The following NBEAL2 variants were observed in gnomAD, a reference collection of about 807,000 sequenced individuals.
NBEAL2 encodes neurobeachin-like protein 2.
NBEAL2 carries 160 observed loss-of-function variants against 299.8 expected under a neutral mutation model. The observed-to-expected ratio is 0.53, with a 90% CI of 0.47 to 0.61. The LOEUF (loss-of-function observed/expected upper bound fraction) is 0.61, where lower values mean the gene tolerates loss of function less well. NBEAL2 is among the 20% of genes least tolerant of loss of function. NBEAL2 has a pLI of 0.00. For synonymous variants in NBEAL2, 1,493 were observed against 1,542.3 expected, an observed-to-expected ratio of 0.97 and a Z score of 0.75; for missense variants, 3,112 against 3,649.0, an observed-to-expected ratio of 0.85 and a Z score of 3.79.
rs2036041102 is a variant in NBEAL2 at position 46,991,002 on chromosome 3, C to G, written c.557-217C>G. ...CTGGTCTTTGTCACCCTTAAGTCCCCCAAAGAAGGGTTGTCCCTTTCAGGC... is the reference window on the plus strand; with the variant it reads ...CTGGTCTTTGTCACCCTTAAGTCCCGCAAAGAAGGGTTGTCCCTTTCAGGC... On this transcript the variant is annotated intron_variant, in intron 6 of 53. Transcript: ENST00000450053. The surrounding 1 kb of genome is among the most constrained non-coding windows in gnomAD (Gnocchi z 6.2). Among the ~76,000 whole-genome samples the G allele has an allele frequency of 6.6e-6, 1 of 152,080 alleles. No homozygotes were observed. The highest frequency in any genetic ancestry group is 6.5e-5 in the Admixed American group (1 of 15,268).
At chr3:46,993,788 G>A in intron 10 of NBEAL2, 149 bp from the exon 11 acceptor site, 1 of 699,584 alleles carries the variant, frequency 1.4e-6, no homozygotes, top group Non-Finnish European at 2.5e-6. Flanking sequence ...GGGGCAAGGA[G>A]TAGAAGGCCT....
intron 1 of NBEAL2, among the ~76,000 whole-genome samples, chr3:46,984,027 G>A (rs901124121): frequency 2.6e-5 from 4 of 151,814 alleles, no homozygotes; most frequent in Non-Finnish European, 5.9e-5. Flanking sequence ...GTGTCCAGGC[G>A]CGGTGTTTCA....
chr3:46,999,509 C>T (rs2036791093), intron 25 of NBEAL2, 35 bp downstream of exon 25: 1 of 1,581,648 alleles, frequency 6.3e-7, no homozygotes, highest in African/African-American at 1.4e-5. Context: ...GAGGGGGTGA[C>T]ATGTCAGAAA....
intron 12 of NBEAL2, 63 bp from the exon 13 acceptor site, chr3:46,994,969 G>T: frequency 6.8e-7 from 1 of 1,476,856 alleles, no homozygotes; most frequent in East Asian, 2.5e-5. Flanking sequence ...AATGGAGCCA[G>T]AAAGTCCCAC....
chr3:47,006,314 A>T lies in NBEAL2; in HGVS notation c.7018-19A>T. 1 of 1,590,266 alleles carries T rather than the reference A, an allele frequency of 6.3e-7. No individual in the cohort carries two copies. Among genetic ancestry groups the T allele is most frequent in the Non-Finnish European group, 8.5e-7 (1 of 1,170,412 alleles). Reference sequence around the variant, plus strand: ...CAGGGATGCCCATGCCATGGTGCTGACCAGCCACTTACCCACAGGAGCCAC... The same window carrying T: ...CAGGGATGCCCATGCCATGGTGCTGTCCAGCCACTTACCCACAGGAGCCAC... On this transcript the variant is annotated intron_variant, in intron 44 of 53. Coordinates refer to ENST00000450053, the MANE Select transcript of NBEAL2 (RefSeq NM_015175.3).
chr3:46,981,617 G>A (rs1310375693), intron 1 of NBEAL2, among the ~76,000 whole-genome samples: 1 of 152,178 alleles, frequency 6.6e-6, no homozygotes, highest in African/African-American at 2.4e-5. Flanking sequence ...TTGTGAAGGA[G>A]CAGAGGGTTT....
chr3:47,007,251 G>A lies in NBEAL2; in HGVS notation c.7235G>A (p.Ser2412Asn). The part of the protein sequence containing the change: ...QGSPDLLVTV[S>N]ASGLLGTHSW... ...CCCTCCTGCCTGCAGGTGACTGTGA[G>A]TGCCAGTGGGCTGCTGGGCACCCAC... Residue 2412 changes from serine (S) to asparagine (N), a missense_variant, in exon 47 of 54, where the codon AGT becomes AAT. By Grantham distance (46) the Ser-to-Asn change is conservative (BLOSUM62 1). Around this residue, in one of 3 missense-constraint regions of NBEAL2, gnomAD observed 521 missense variants for 729.6 expected, o/e 0.71. Coordinates refer to ENST00000450053, the MANE Select transcript of NBEAL2 (RefSeq NM_015175.3). 6.2e-7 allele frequency: 1 copy of A among 1,612,284 alleles called. No individual in the cohort carries two copies. Among genetic ancestry groups the A allele is most frequent in the Non-Finnish European group, 8.5e-7 (1 of 1,179,202 alleles).
intron 20 of NBEAL2, 116 bp downstream of exon 20, chr3:46,997,810 G>T (rs1038982160): frequency 7.3e-7 from 1 of 1,369,672 alleles, no homozygotes; most frequent in Admixed American, 2.9e-5. Context: ...GTTGCCACTT[G>T]AGTGGGGCCT....
Position 46,979,715 on chromosome 3 carries a change from C to A in NBEAL2, c.-147C>A, listed in dbSNP as rs1336980343. On this transcript the variant is annotated 5_prime_UTR_variant, in exon 1 of 54. Coordinates refer to ENST00000450053, the MANE Select transcript of NBEAL2 (RefSeq NM_015175.3). ...TTGGGTGGCTCTGCGCCGCGGAGGC[C>A]ACAGCCGCAGACTTCCCCAGTAGTA... 6.5e-6 allele frequency: 2 copies of A among 308,644 alleles called. No homozygotes were observed. The highest frequency in any genetic ancestry group is 5.1e-5 in the Admixed American group (1 of 19,726). 19.1% of individuals were successfully genotyped at this position (308,644 alleles called of 1,614,324 possible).
Position 47,000,039 on chromosome 3 carries a change from A to G in NBEAL2, c.3940A>G (p.Lys1314Glu). 1 of 1,605,120 alleles carries G rather than the reference A, an allele frequency of 6.2e-7. No homozygotes were observed. The highest frequency in any genetic ancestry group is 8.5e-7 in the Non-Finnish European group (1 of 1,176,952). The change falls in exon 27 of 54, where the codon AAG becomes GAG. Residue 1314 changes from lysine to glutamate, a missense_variant. Transcript: ENST00000450053. This position sits in a 1 kb window ranked among gnomAD's most constrained non-coding sequence, Gnocchi z 4.5. The part of the protein sequence containing the change: ...PSSPESPTSP[K>E]PAPPKPPTES... ...TTCCCCAGAGTCACCTACCTCCCCCAAGCCAGCCCCACCCAAGCCACCCAC... is the reference window on the plus strand; with the variant it reads ...TTCCCCAGAGTCACCTACCTCCCCCGAGCCAGCCCCACCCAAGCCACCCAC...
At position 47,000,291 on chromosome 3, in the gene NBEAL2, T is replaced by C. The variant is rs768213055; in HGVS notation, c.4192T>C (p.Phe1398Leu). The part of the protein sequence containing the change: ...TPSPLDGPRP[F>L]PAAPGRHSSS... ...TTCGCCACTGGATGGGCCGCGGCCCTTTCCTGCTGCTCCTGGCCGCCACAG... is the reference window on the plus strand; with the variant it reads ...TTCGCCACTGGATGGGCCGCGGCCCCTTCCTGCTGCTCCTGGCCGCCACAG... Residue 1398 changes from phenylalanine to leucine, a missense_variant, in exon 27 of 54, where the codon TTT (phenylalanine) becomes CTT (leucine). This residue lies in a region of NBEAL2 where 2,243 missense variants were observed against 2,538.1 expected (regional missense o/e 0.88). Coordinates refer to ENST00000450053, the MANE Select transcript of NBEAL2 (RefSeq NM_015175.3). The surrounding 1 kb of genome is among the most constrained non-coding windows in gnomAD (Gnocchi z 4.5). 3.3e-5 allele frequency: 53 copies of C among 1,612,468 alleles called. No homozygotes were observed. Among genetic ancestry groups the C allele is most frequent in the Non-Finnish European group, 4.3e-5 (51 of 1,179,514 alleles).
In NBEAL2 at chr3:47,009,515, T is replaced by G; in HGVS notation, c.*195T>G. 8.2e-6 allele frequency: 5 copies of G among 610,360 alleles called. No homozygotes were observed. The highest frequency in any genetic ancestry group is 1.4e-5 in the Non-Finnish European group (5 of 351,050). 37.8% of individuals were successfully genotyped at this position (610,360 alleles called of 1,614,324 possible). ...GGCGGAAGTCCCGCCCCTCGCCGGC[T>G]GAGGGGCCGCCCTGAGGGCCAGCAC... is the stretch of plus-strand genomic sequence containing the variant. On this transcript the variant is annotated 3_prime_UTR_variant, in exon 54 of 54. Coordinates refer to ENST00000450053, the MANE Select transcript of NBEAL2 (RefSeq NM_015175.3).
In NBEAL2 at chr3:47,005,501, C is replaced by G; in HGVS notation, c.6573C>G (p.Ser2191=). The change falls in exon 41 of 54, where the codon TCC becomes TCG. Residue 2191 remains serine (S), a synonymous_variant. Transcript: ENST00000450053. ...GCCCCTCCCCCAGCTTTGACTGCTC[C>G]GACCGGCAGTTCCACTCGGTGGCGG... ...VQLQSGRFDC[S]DRQFHSVAAA... The G allele has an allele frequency of 6.2e-7, 1 of 1,611,536 alleles. No homozygotes were observed. Among genetic ancestry groups the G allele is most frequent in the Non-Finnish European group, 8.5e-7 (1 of 1,179,074 alleles).
rs1280661794 is a variant in NBEAL2 at position 46,995,137 on chromosome 3, C to T, written c.1402C>T (p.Arg468Trp). 4 of 1,575,542 alleles carry T rather than the reference C, an allele frequency of 2.5e-6. No individual in the cohort carries two copies. The highest frequency in any genetic ancestry group is 1.2e-5 in the South Asian group (1 of 85,988). Residue 468 changes from arginine (R) to tryptophan (W), a missense_variant, in exon 13 of 54, where the codon CGG (arginine) becomes TGG (tryptophan). Physicochemically the swap from Arg to Trp is moderately radical, Grantham distance 101 (BLOSUM62 -3). Coordinates refer to ENST00000450053, the MANE Select transcript of NBEAL2 (RefSeq NM_015175.3). ...GCCGTCATTGCCCACCGCTGAGCTGCGGCTCTTCCTAGCGCAACGCCTCAG... is the reference window on the plus strand; with the variant it reads ...GCCGTCATTGCCCACCGCTGAGCTGTGGCTCTTCCTAGCGCAACGCCTCAG... The part of the protein sequence containing the change: ...WLPSLPTAEL[R>W]LFLAQRLRWL...
At chr3:46,997,787 A>G in intron 20 of NBEAL2, 93 bp downstream of exon 20, 1 of 1,404,886 alleles carries the variant, frequency 7.1e-7, no homozygotes, top group Non-Finnish European at 9.3e-7. Flanking sequence ...GTCATGAAGA[A>G]CCTCCTGGGA....
chr3:46,982,783 T>G lies in NBEAL2; in HGVS notation c.51+2871T>G, dbSNP rs142798111. On this transcript the variant is annotated intron_variant, in intron 1 of 53. Coordinates refer to ENST00000450053, the MANE Select transcript of NBEAL2 (RefSeq NM_015175.3). This position sits in a 1 kb window ranked among gnomAD's most constrained non-coding sequence, Gnocchi z 4.2. ...GGGACAAGAAGCAAATTGTCAGGAGTTGGGGCAGGGCAGAGCTAGTCAAGC... is the reference window on the plus strand; with the variant it reads ...GGGACAAGAAGCAAATTGTCAGGAGGTGGGGCAGGGCAGAGCTAGTCAAGC... 1.5e-3 allele frequency among the ~76,000 whole-genome samples: 224 copies of G among 151,120 alleles called. 1 individual carries two copies. Among genetic ancestry groups the G allele is most frequent in the African/African-American group, 5.0e-3 (206 of 41,106 alleles).
Position 47,001,846 on chromosome 3 carries a change from G to A in NBEAL2, c.4782+20G>A, listed in dbSNP as rs1260440310. ...CCACAGGTGAGCACAGGGTGAGCAT[G>A]GGGGCAGGGGGCGTGTGAGATGTCG... On this transcript the variant is annotated intron_variant, in intron 30 of 53. Transcript: ENST00000450053. This position sits in a 1 kb window ranked among gnomAD's most constrained non-coding sequence, Gnocchi z 6.1. 6.2e-7 allele frequency: 1 copy of A among 1,612,342 alleles called. No individual in the cohort carries two copies. Among genetic ancestry groups the A allele is most frequent in the Admixed American group, 1.7e-5 (1 of 60,010 alleles).
At position 46,998,216 on chromosome 3, in the gene NBEAL2, C is replaced by T. The variant is rs886058596; in HGVS notation, c.3108C>T (p.Ala1036=). ...NFHLWTLSDF[A]VRLGHIQYMS... ...ACCTCTGGACCCTCAGTGACTTCGC[C>T]GTGCGCCTCGGTAGGTGTGAGGACC... The change falls in exon 21 of 54, where the codon GCC becomes GCT. Residue 1036 remains alanine (A), a synonymous_variant. Coordinates refer to ENST00000450053, the MANE Select transcript of NBEAL2 (RefSeq NM_015175.3). The T allele has an allele frequency of 8.7e-6, 14 of 1,609,316 alleles. No individual in the cohort carries two copies. Among genetic ancestry groups the T allele is most frequent in the Middle Eastern group, 1.6e-4 (1 of 6,080 alleles).
In NBEAL2 at chr3:47,007,207, C is replaced by T. The variant is rs765610509; in HGVS notation, c.7225-34C>T. 12 of 1,609,312 alleles carry T rather than the reference C, an allele frequency of 7.5e-6. No individual in the cohort carries two copies. The African/African-American group carries it at 8.0e-5, about 11-fold the overall frequency. On this transcript the variant is annotated intron_variant, in intron 46 of 53. Coordinates refer to ENST00000450053, the MANE Select transcript of NBEAL2 (RefSeq NM_015175.3). The stretch of plus-strand genomic sequence containing the variant: ...TCAGCTCCACTCCCCCTTGCCTCTG[C>T]CAGAAACCCACCTCTGCCCCCTCCT...
Sources: allele counts gnomAD v4.1 joint callset (sites outside exome capture counted in the v4.1 genomes callset), GRCh38; gene constraint gnomAD v4.1.1; regional missense constraint gnomAD v4.1.1; non-coding constraint Gnocchi (gnomAD v3.1); transcripts MANE v1.5; gene names NCBI Gene and HGNC (gene_info 2026-07-23, HGNC 2026-07-21).